USH2A: variants seen among roughly 807,000 people sequenced by gnomAD.
USH2A encodes usherin, also known as Usher syndrome 2A (autosomal recessive, mild).
Under a neutral mutation model 538.9 loss-of-function variants are expected in USH2A, and 443 were observed. That is an observed-to-expected ratio of 0.82 (90% CI 0.76 to 0.89). The LOEUF (loss-of-function observed/expected upper bound fraction) is 0.89, where lower values mean the gene tolerates loss of function less well. Among genes scored for constraint, USH2A ranks in the 40% least tolerant of loss-of-function variants. The pLI is 0.00. For missense variants in USH2A, 6,633 were observed against 6,324.8 expected (o/e 1.05, Z -1.65); for synonymous variants, 2,413 against 2,273.5 (o/e 1.06, Z -1.75).
intron 21 of USH2A, among the ~76,000 whole-genome samples, chr1:216,123,757 T>C (rs2033185147): frequency 6.6e-6 from 1 of 152,152 alleles, no homozygotes; most frequent in Non-Finnish European, 1.5e-5. Flanking sequence ...CAGAAATGTG[T>C]ATAATATATA....
intron 21 of USH2A, among the ~76,000 whole-genome samples, chr1:216,120,437 T>C (rs2033109329): frequency 6.6e-6 from 1 of 151,872 alleles, no homozygotes; most frequent in African/African-American, 2.4e-5. Flanking sequence ...TGGAGTGCAA[T>C]GGCGCGATCT....
chr1:215,824,446 T>C (rs1229405338), intron 47 of USH2A, among the ~76,000 whole-genome samples: 1 of 152,112 alleles, frequency 6.6e-6, no homozygotes, highest in South Asian at 2.1e-4. Context: ...TCCAGTAAAC[T>C]ATCAGAATAC....
intron 41 of USH2A, among the ~76,000 whole-genome samples, chr1:215,885,978 C>T (rs1665043952): frequency 6.6e-6 from 1 of 152,166 alleles, no homozygotes; most frequent in Non-Finnish European, 1.5e-5. Flanking sequence ...TGCATTCTGT[C>T]TAAAATGTAA....
At position 216,092,930 on chromosome 1, in the gene USH2A, AC is replaced by A. The variant is rs566374935; in HGVS notation, c.4759-3792del. On this transcript the variant is annotated intron_variant, in intron 22 of 71. Transcript: ENST00000307340. ...AAATTTACTTACTAGACATCATTAA[AC>A]CTTCCTCACTCCCTTTAGCCCCCAA... Among the ~76,000 whole-genome samples the A allele has an allele frequency of 3.1e-3, 475 of 151,934 alleles. 2 individuals are homozygous for A. Among genetic ancestry groups the A allele is most frequent in the Middle Eastern group, 0.01 (3 of 292 alleles).
chr1:215,987,656 A>T (rs1571868432), intron 35 of USH2A, among the ~76,000 whole-genome samples: 1 of 152,322 alleles, frequency 6.6e-6, no homozygotes, highest in East Asian at 1.9e-4. Context: ...TACTTGGCAG[A>T]CTGAGGCAAT....
At chr1:216,201,689 G>T in intron 16 of USH2A, 1 of 206,700 alleles carries the variant, frequency 4.8e-6, no homozygotes, top group Non-Finnish European at 1.1e-5. Context: ...CGCTGGTGTT[G>T]TGGGGGGCAC....
intron 3 of USH2A, among the ~76,000 whole-genome samples, chr1:216,397,651 TC>T (rs1251099998): frequency 9.2e-5 from 14 of 152,206 alleles, no homozygotes; most frequent in Non-Finnish European, 1.9e-4. Context: ...GACTCTAGGT[TC>T]TTTAGCCTTT....
intron 32 of USH2A, among the ~76,000 whole-genome samples, chr1:216,046,176 C>T (rs957846588): frequency 1.3e-5 from 2 of 151,940 alleles, no homozygotes; most frequent in Admixed American, 1.3e-4. Context: ...CCACATCCTC[C>T]TGTATGCTTT....
At chr1:216,186,982 T>C (rs928627607) in intron 20 of USH2A, among the ~76,000 whole-genome samples, 1 of 151,952 alleles carries the variant, frequency 6.6e-6, no homozygotes, top group Non-Finnish European at 1.5e-5. Flanking sequence ...TCTAATCTAT[T>C]GTGTACTCTA....
At chr1:216,370,124 C>T (rs1233516178) in intron 3 of USH2A, among the ~76,000 whole-genome samples, 1 of 151,810 alleles carries the variant, frequency 6.6e-6, no homozygotes, top group Non-Finnish European at 1.5e-5. Flanking sequence ...TTTGGGAGGC[C>T]GAGGTGGGCG....
chr1:216,025,696 G>A (rs1193155990), intron 32 of USH2A, among the ~76,000 whole-genome samples: 1 of 152,018 alleles, frequency 6.6e-6, no homozygotes, highest in Admixed American at 6.6e-5. Flanking sequence ...TGCCTTTATA[G>A]AAACCATTTA....
rs145830318 is a variant in USH2A, at chr1:215,675,168, T to G, written c.12743A>C (p.His4248Pro). 6.2e-7 allele frequency: 1 copy of G among 1,613,994 alleles called. No homozygotes were observed. Among genetic ancestry groups the G allele is most frequent in the Admixed American group, 1.7e-5 (1 of 59,996 alleles). Reference protein sequence around the residue: ...YKIYTWNSAGHTCSSWNVVRT... With the variant: ...YKIYTWNSAGPTCSSWNVVRT... ...CACCACATTCCAAGAGCTACAGGTA[T>G]GCCCAGCTGAATTCCAAGTGTAGAT... The change falls in exon 63 of 72, where the codon CAT becomes CCT. Residue 4248 changes from histidine (H) to proline (P), a missense_variant. His to Pro is a moderately conservative substitution (Grantham distance 77). Coordinates refer to ENST00000307340, the MANE Select transcript of USH2A (RefSeq NM_206933.4).
chr1:215,635,626 G>C (rs1390686445), intron 69 of USH2A, among the ~76,000 whole-genome samples: 1 of 151,448 alleles, frequency 6.6e-6, no homozygotes, highest in East Asian at 1.9e-4. Context: ...TGTGATCTCC[G>C]CTCACTGCAA....
chr1:216,323,496 C>T lies in USH2A; in HGVS notation c.1528G>A (p.Asp510Asn), dbSNP rs2037659004. Reference sequence around the variant, plus strand: ...TACCTCCCACTAATGGTGATTTCGTCCACTGCATAATATCTGTGTCTGAGG... The same window carrying T: ...TACCTCCCACTAATGGTGATTTCGTTCACTGCATAATATCTGTGTCTGAGG... Reference protein sequence around the residue: ...VNLRHRYYAVDEITISGRCQC... With the variant: ...VNLRHRYYAVNEITISGRCQC... The change falls in exon 8 of 72, where the codon GAC (aspartate) becomes AAC (asparagine). Residue 510 changes from aspartate to asparagine, a missense_variant. Physicochemically the swap from Asp to Asn is conservative, Grantham distance 23. Transcript: ENST00000307340. 6.2e-7 allele frequency: 1 copy of T among 1,613,352 alleles called. No individual in the cohort carries two copies. Among genetic ancestry groups the T allele is most frequent in the Non-Finnish European group, 8.5e-7 (1 of 1,179,668 alleles).
intron 41 of USH2A, among the ~76,000 whole-genome samples, chr1:215,882,246 C>T (rs1179013182): frequency 5.9e-5 from 9 of 152,064 alleles, no homozygotes; most frequent in African/African-American, 1.7e-4. Context: ...TCCTTGCCAT[C>T]GTGTGTAGAC....
At chr1:216,149,793 C>T (rs192007300) in intron 21 of USH2A, among the ~76,000 whole-genome samples, 1 of 152,138 alleles carries the variant, frequency 6.6e-6, no homozygotes, top group Non-Finnish European at 1.5e-5. Context: ...CCCTCAAACT[C>T]TATAACCTCA....
chr1:215,758,607 A>C lies in USH2A; in HGVS notation c.11377T>G (p.Trp3793Gly). The C allele has an allele frequency of 6.2e-7, 1 of 1,613,278 alleles. No homozygotes were observed. Among genetic ancestry groups the C allele is most frequent in the South Asian group, 1.1e-5 (1 of 91,054 alleles). ...TTTTTTTTTTTACCTGGTGGTATCCAAGCTACAAATATAGAATAAGGCCCA... is the reference window on the plus strand; with the variant it reads ...TTTTTTTTTTTACCTGGTGGTATCCCAGCTACAAATATAGAATAAGGCCCA... ...VIGPYSIFVAWIPPGILIPEI... is the reference protein window; with the variant it reads ...VIGPYSIFVAGIPPGILIPEI... The change falls in exon 58 of 72, where the codon TGG becomes GGG. Residue 3793 changes from tryptophan (W) to glycine (G), a missense_variant. Trp to Gly is a radical substitution (Grantham distance 184, BLOSUM62 -2). Transcript: ENST00000307340.
chr1:216,041,108 C>T (rs555306054), intron 32 of USH2A, among the ~76,000 whole-genome samples: 1 of 151,870 alleles, frequency 6.6e-6, no homozygotes, highest in Non-Finnish European at 1.5e-5. Context: ...CCAGAATACA[C>T]CAAGGTTACT....
chr1:216,184,824 C>T (rs764562423), intron 20 of USH2A, among the ~76,000 whole-genome samples: 2 of 151,858 alleles, frequency 1.3e-5, no homozygotes, highest in Non-Finnish European at 2.9e-5. Context: ...TGTTTTCAAC[C>T]CAGCAGCAAA....
Sources: allele counts gnomAD v4.1 joint callset (sites outside exome capture counted in the v4.1 genomes callset), GRCh38; gene constraint gnomAD v4.1.1; transcripts MANE v1.5; gene names NCBI Gene and HGNC (gene_info 2026-07-23, HGNC 2026-07-21).